QRICH1: variants seen among roughly 807,000 people sequenced by gnomAD.
The protein encoded by QRICH1 is transcriptional regulator QRICH1.
Under a neutral mutation model 87.1 loss-of-function variants are expected in QRICH1, and 16 were observed. The ratio of observed to expected loss-of-function variants is 0.18; its 90% CI spans 0.12 to 0.28. The LOEUF is 0.28. Among genes scored for constraint, QRICH1 ranks in the 10% least tolerant of loss-of-function variants. The pLI is 1.00. For missense variants in QRICH1, 647 were observed against 951.7 expected (o/e 0.68, Z 4.21); for synonymous variants, 367 against 368.4 (o/e 1.00, Z 0.05).
intron 6 of QRICH1, among the ~76,000 whole-genome samples, chr3:49,037,906 G>A (rs2093285443): frequency 6.6e-6 from 1 of 151,992 alleles, no homozygotes; most frequent in Non-Finnish European, 1.5e-5. Flanking sequence ...AACTTGGGAG[G>A]CGGAAGTTGC....
At chr3:49,077,970 T>A (rs2041983652) in intron 1 of QRICH1, among the ~76,000 whole-genome samples, 1 of 152,192 alleles carries the variant, frequency 6.6e-6, no homozygotes, top group Non-Finnish European at 1.5e-5. Flanking sequence ...TTAACTCTCA[T>A]CATCTGAGGG....
At chr3:49,044,533 T>C (rs1310448234) in intron 5 of QRICH1, 29 bp from the exon 6 acceptor site, 1 of 1,459,560 alleles carries the variant, frequency 6.9e-7, no homozygotes, top group Non-Finnish European at 9.6e-7. Context: ...ATAGAAGTTA[T>C]TGGTAGTCTC....
rs547774786 is a variant in QRICH1, at chr3:49,030,106, A to G, written c.*346T>C. ...GGGAGATTCCCTCCAGGGTCCATCC[A>G]TCATTAATTCCATCTCTCTTGAAGA... On this transcript the variant is annotated 3_prime_UTR_variant, in exon 10 of 10. Transcript: ENST00000395443. The G allele has an allele frequency of 1.1e-5, 4 of 379,144 alleles. No individual in the cohort carries two copies. Among genetic ancestry groups the G allele is most frequent in the Non-Finnish European group, 1.9e-5 (4 of 212,672 alleles). The allele number at this position is 379,144 out of a possible 1,614,324, so 23.5% of individuals were successfully genotyped here. A position where few individuals can be genotyped will look rare whatever the true frequency, so the allele number is the denominator to read the frequency against.
intron 1 of QRICH1, among the ~76,000 whole-genome samples, chr3:49,085,527 G>C (rs2107029944): frequency 6.6e-6 from 1 of 152,202 alleles, no homozygotes; most frequent in South Asian, 2.1e-4. Context: ...GGCCGAGGTG[G>C]GTGGATCACC....
intron 1 of QRICH1, among the ~76,000 whole-genome samples, chr3:49,082,996 C>T (rs552886643): frequency 1.3e-5 from 2 of 151,434 alleles, no homozygotes; most frequent in Admixed American, 1.3e-4. Flanking sequence ...AACCTGAGGT[C>T]GGGAGTTCGA....
At chr3:49,071,766 C>T (rs371516744) in intron 2 of QRICH1, among the ~76,000 whole-genome samples, 32 of 152,336 alleles carry the variant, frequency 2.1e-4, no homozygotes, top group East Asian at 7.7e-4. Flanking sequence ...AATCACAGCT[C>T]GCTGCAACCA....
At chr3:49,073,834 A>G (rs142412647) in intron 2 of QRICH1, among the ~76,000 whole-genome samples, 3,877 of 151,952 alleles carry the variant, frequency 0.026, 57 homozygotes, top group Middle Eastern at 0.082. Flanking sequence ...TTTTTGGTAG[A>G]AACAGGGTTT....
rs1275937032 is a variant in QRICH1, at chr3:49,050,384, C to T, written c.1339-3138G>A. 2.2e-5 allele frequency among the ~76,000 whole-genome samples: 3 copies of T among 134,288 alleles called. No individual in the cohort carries two copies. The Admixed American group carries it at 2.5e-4, about 11-fold the overall frequency. 88.1% of individuals were successfully genotyped at this position (134,288 alleles called of 152,430 possible). A position where few individuals can be genotyped will look rare whatever the true frequency, so the allele number is the denominator to read the frequency against. On this transcript the variant is annotated intron_variant, in intron 3 of 9. Coordinates refer to ENST00000395443, the MANE Select transcript of QRICH1 (RefSeq NM_198880.3). ...GTTGCAGTGAGCCAAGATGGTGCCA[C>T]TGCACTCCAACCTGGGCGACAGAGC...
At chr3:49,067,049 G>A (rs931100299) in intron 2 of QRICH1, among the ~76,000 whole-genome samples, 1 of 151,718 alleles carries the variant, frequency 6.6e-6, no homozygotes, top group African/African-American at 2.4e-5. Flanking sequence ...AAAAGAGAGA[G>A]AGAAATTACT....
In QRICH1 at chr3:49,062,080, G is replaced by C. The variant is rs540881057; in HGVS notation, c.310-4190C>G. Among the ~76,000 whole-genome samples the C allele has an allele frequency of 3.4e-4, 52 of 152,250 alleles. 1 individual carries two copies. The highest frequency in any genetic ancestry group is 1.4e-4 in the African/African-American group (6 of 41,570). On this transcript the variant is annotated intron_variant, in intron 2 of 9. Coordinates refer to ENST00000395443, the MANE Select transcript of QRICH1 (RefSeq NM_198880.3). ...TGGCCAGATGCGGTGGCTCACACCTGTAATCCCAGCACTTTGGGAGGCTGA... is the reference window on the plus strand; with the variant it reads ...TGGCCAGATGCGGTGGCTCACACCTCTAATCCCAGCACTTTGGGAGGCTGA...
chr3:49,094,173 GTGGCCGCGCTTC>G (rs2042336876), upstream of QRICH1: 1 of 395,146 alleles, frequency 2.5e-6, no homozygotes, highest in African/African-American at 2.1e-5. Context: ...GCAGGGGAAG[GTGGCCGCGCTTC>G]TGGCCGCTAG....
intron 6 of QRICH1, among the ~76,000 whole-genome samples, chr3:49,039,817 T>C (rs950293170): frequency 2.0e-5 from 3 of 151,644 alleles, no homozygotes; most frequent in Non-Finnish European, 4.4e-5. Context: ...CCCAGCACTT[T>C]GGGAGGCTGA....
chr3:49,076,989 G>A lies in QRICH1; in HGVS notation c.29C>T (p.Ser10Phe). The A allele has an allele frequency of 6.6e-7, 1 of 1,525,632 alleles. No individual in the cohort carries two copies. Among genetic ancestry groups the A allele is most frequent in the Non-Finnish European group, 8.9e-7 (1 of 1,127,694 alleles). The allele number at this position is 1,525,632 out of a possible 1,614,324, so 94.5% of individuals were successfully genotyped here. A position where few individuals can be genotyped will look rare whatever the true frequency, so the allele number is the denominator to read the frequency against. The change falls in exon 2 of 10, where the codon TCC (serine) becomes TTC (phenylalanine). Residue 10 changes from serine (S) to phenylalanine (F), a missense_variant. Physicochemically the swap from Ser to Phe is radical, Grantham distance 155 (BLOSUM62 -2). Coordinates refer to ENST00000395443, the MANE Select transcript of QRICH1 (RefSeq NM_198880.3). MNNSLENTI[S>F]FEEYIRVKAR... is the part of the protein sequence containing the mutation. ...CTTTACTCGGATGTACTCTTCAAAG[G>A]AGATGGTGTTCTCTAGGGAATTATT... is the stretch of plus-strand genomic sequence containing the variant.
chr3:49,078,072 C>A (rs1207429872), intron 1 of QRICH1, among the ~76,000 whole-genome samples: 2 of 152,274 alleles, frequency 1.3e-5, no homozygotes, highest in Middle Eastern at 3.4e-3. Context: ...ACAAAAGTAG[C>A]AGCAGGATGA....
chr3:49,031,973 G>T (rs749709095), intron 9 of QRICH1, among the ~76,000 whole-genome samples: 6 of 152,172 alleles, frequency 3.9e-5, no homozygotes, highest in Non-Finnish European at 7.3e-5. Context: ...TAGGGACCCG[G>T]GACCCCTTTT....
At chr3:49,092,746 G>A (rs905212072) in intron 1 of QRICH1, among the ~76,000 whole-genome samples, 3 of 152,142 alleles carry the variant, frequency 2.0e-5, no homozygotes, top group Non-Finnish European at 4.4e-5. Context: ...CAAAAAAAGA[G>A]CTGAAAAGGA....
At position 49,094,013 on chromosome 3, in the gene QRICH1, C is replaced by T. The variant is rs2042333589; in HGVS notation, c.-123G>A. Reference sequence around the variant, plus strand: ...TCTGCCGTCGTCGCTCCAAGACCGACAGGGTTTTCTCCTCACAGCTCCCTG... The same window carrying T: ...TCTGCCGTCGTCGCTCCAAGACCGATAGGGTTTTCTCCTCACAGCTCCCTG... On this transcript the variant is annotated 5_prime_UTR_variant, in exon 1 of 10. Transcript: ENST00000395443. 2.5e-6 allele frequency: 1 copy of T among 399,092 alleles called. No homozygotes were observed. Among genetic ancestry groups the T allele is most frequent in the Non-Finnish European group, 4.4e-6 (1 of 226,390 alleles). The allele number at this position is 399,092 out of a possible 1,614,324, so 24.7% of individuals were successfully genotyped here. A position where few individuals can be genotyped will look rare whatever the true frequency, so the allele number is the denominator to read the frequency against.
At chr3:49,069,532 C>T (rs2093488683) in intron 2 of QRICH1, among the ~76,000 whole-genome samples, 1 of 144,296 alleles carries the variant, frequency 6.9e-6, no homozygotes, top group Admixed American at 7.5e-5. Context: ...AATACAGATC[C>T]ATGGGGGGGA....
chr3:49,066,835 C>T (rs1191916294), intron 2 of QRICH1, among the ~76,000 whole-genome samples: 1 of 151,738 alleles, frequency 6.6e-6, no homozygotes, highest in South Asian at 2.1e-4. Context: ...GTAAGGAGTT[C>T]GAGACCAGCC....
Sources: allele counts gnomAD v4.1 joint callset (sites outside exome capture counted in the v4.1 genomes callset), GRCh38; gene constraint gnomAD v4.1.1; transcripts MANE v1.5; gene names NCBI Gene and HGNC (gene_info 2026-07-23, HGNC 2026-07-21).